Variants in NBPF9 observed in about 807,000 individuals in gnomAD.
NBPF9 encodes NBPF family member NBPF9.
Under a neutral mutation model 97.8 loss-of-function variants are expected in NBPF9, and 91 were observed. The observed-to-expected ratio is 0.93, with a 90% CI of 0.79 to 1.11. The LOEUF (loss-of-function observed/expected upper bound fraction) is 1.11, where lower values mean the gene tolerates loss of function less well. Ranked by LOEUF, NBPF9 falls within the 50% of genes least tolerant of loss-of-function variation. The pLI is 0.00. For synonymous variants in NBPF9, 334 were observed against 359.5 expected, an observed-to-expected ratio of 0.93 and a Z score of 0.80; for missense variants, 992 against 939.5, an observed-to-expected ratio of 1.06 and a Z score of -0.73.
intron 13 of NBPF9, 38 bp from the exon 14 acceptor site, chr1:149,072,970 G>A: frequency 6.3e-7 from 1 of 1,595,338 alleles, no homozygotes; most frequent in East Asian, 2.2e-5. Flanking sequence ...AGAGTGGAAA[G>A]GGTTGAGTGA....
intron 4 of NBPF9, among the ~76,000 whole-genome samples, chr1:149,096,850 AGAG>A (rs1245366281): frequency 1.1e-5 from 1 of 89,764 alleles, no homozygotes; most frequent in Admixed American, 1.3e-4. Context: ...CCCACAAATC[AGAG>A]GAGGAGGAGG....
At chr1:149,081,635 T>A (rs1245854631) in intron 7 of NBPF9, among the ~76,000 whole-genome samples, 2 of 150,608 alleles carry the variant, frequency 1.3e-5, no homozygotes, top group African/African-American at 4.9e-5. Flanking sequence ...AGATGTTATT[T>A]GTCTGCAGGA....
chr1:149,073,287 G>C (rs1244719371), intron 13 of NBPF9, among the ~76,000 whole-genome samples: 1 of 142,668 alleles, frequency 7.0e-6, no homozygotes, highest in Admixed American at 7.1e-5. Flanking sequence ...GCGGCCACTA[G>C]ATACAAAGCC....
intron 17 of NBPF9, among the ~76,000 whole-genome samples, chr1:149,067,887 C>T (rs1436755361): frequency 3.6e-5 from 5 of 139,802 alleles, no homozygotes; most frequent in Admixed American, 2.8e-4. Flanking sequence ...AATTGCCACA[C>T]TGCCTTCCAC....
At chr1:149,100,059 G>T (rs76465787) in intron 3 of NBPF9, among the ~76,000 whole-genome samples, 1 of 142,732 alleles carries the variant, frequency 7.0e-6, no homozygotes, top group African/African-American at 2.6e-5. Flanking sequence ...ATATCACGTC[G>T]GCCCTTTAAA....
rs1283362580 is a variant in NBPF9, at chr1:149,089,061, C to T, written c.-195+1692G>A. On this transcript the variant is annotated intron_variant, in intron 5 of 29. Transcript: ENST00000584027. ...CCCTGCCTCTCAAGGAAATCCCTCC[C>T]GCCTTGTCTCTAGACAGCCAAGTCC... Among the ~76,000 whole-genome samples, 15 of 151,820 alleles carry T rather than the reference C, an allele frequency of 9.9e-5. No individual in the cohort carries two copies. In the South Asian group the frequency reaches 2.7e-3, roughly 28 times the overall value.
chr1:149,060,223 A>G (rs1451255610), intron 24 of NBPF9: 2 of 185,018 alleles, frequency 1.1e-5, no homozygotes, highest in African/African-American at 7.6e-5. Flanking sequence ...AAATCTACAA[A>G]CCCTTGAGTC....
chr1:149,073,118 C>A (rs1553653389), intron 13 of NBPF9, among the ~76,000 whole-genome samples, 186 bp from the exon 14 acceptor site: 1 of 149,326 alleles, frequency 6.7e-6, no homozygotes, highest in African/African-American at 2.4e-5. Context: ...TCCTCTGTAT[C>A]AGAGAGGGCT....
At chr1:149,080,010 C>G in intron 8 of NBPF9, 43 bp downstream of exon 8, 2 of 1,495,904 alleles carry the variant, frequency 1.3e-6, no homozygotes, top group Non-Finnish European at 1.9e-6. Context: ...CTTCAGAGAT[C>G]TACACACCTA....
intron 5 of NBPF9, among the ~76,000 whole-genome samples, chr1:149,084,955 T>C (rs1349059725): frequency 7.2e-5 from 11 of 152,012 alleles, no homozygotes; most frequent in East Asian, 3.9e-4. Context: ...AAGGTATCCA[T>C]GGCAATTTCA....
At chr1:149,070,757 G>A (rs1163316172) in intron 16 of NBPF9, among the ~76,000 whole-genome samples, 177 bp downstream of exon 16, 2 of 152,064 alleles carry the variant, frequency 1.3e-5, no homozygotes, top group African/African-American at 4.8e-5. Context: ...CTTGATACTG[G>A]GGACTGGCAG....
In NBPF9 at chr1:149,090,568, T is replaced by C. The variant is rs1422669770; in HGVS notation, c.-195+185A>G. ...AGCCTAATGCAATAAAGAATGCCCA[T>C]AAAATTATTATCTAAAGAATGTTTA... On this transcript the variant is annotated intron_variant, in intron 5 of 29. Transcript: ENST00000584027. 2.4e-5 allele frequency: 13 copies of C among 542,352 alleles called. No homozygotes were observed. The Admixed American group carries it at 3.9e-4, about 16-fold the overall frequency. 33.6% of individuals were successfully genotyped at this position (542,352 alleles called of 1,614,324 possible).
At chr1:149,075,983 C>T (rs1222308176) in intron 11 of NBPF9, 119 bp from the exon 12 acceptor site, 6 of 960,272 alleles carry the variant, frequency 6.2e-6, no homozygotes, top group Non-Finnish European at 1.0e-5. Flanking sequence ...TGTTGTTTCC[C>T]TGGTTTCACT....
chr1:149,079,994 G>T (rs1272621131), intron 8 of NBPF9, 59 bp downstream of exon 8: 1 of 1,380,508 alleles, frequency 7.2e-7, no homozygotes, highest in Non-Finnish European at 1.0e-6. Context: ...CCGCCGAGCT[G>T]CTGTACTTCA....
intron 5 of NBPF9, among the ~76,000 whole-genome samples, chr1:149,085,221 G>T (rs1238088550): frequency 2.6e-5 from 4 of 151,374 alleles, no homozygotes; most frequent in African/African-American, 4.9e-5. Flanking sequence ...ACTTTTTTTT[G>T]ATAGATTTTT....
chr1:149,062,170 G>A (rs781841692), exon 22 of NBPF9: 2 of 905,562 alleles, frequency 2.2e-6, no homozygotes, highest in South Asian at 1.3e-5. Context: ...GCCTAAGTCA[G>A]GCAGTTCAAG....
intron 12 of NBPF9, among the ~76,000 whole-genome samples, chr1:149,074,479 A>G (rs1288008380): frequency 6.6e-6 from 1 of 151,594 alleles, no homozygotes; most frequent in African/African-American, 2.4e-5. Flanking sequence ...ATGAAGAACT[A>G]ATAGATAGTG....
At chr1:149,101,220 C>T (rs1222619388) in intron 3 of NBPF9, 42 bp downstream of exon 3, 2 of 151,206 alleles carry the variant, frequency 1.3e-5, no homozygotes, top group Admixed American at 1.3e-4. Flanking sequence ...AACCCCATCT[C>T]TACTAAAAAT....
chr1:149,097,685 G>A (rs1553662150), intron 4 of NBPF9, among the ~76,000 whole-genome samples: 1 of 152,186 alleles, frequency 6.6e-6, no homozygotes, highest in African/African-American at 2.4e-5. Context: ...CTCAATGCCT[G>A]CAGTGGTGGG....
Sources: allele counts gnomAD v4.1 joint callset (sites outside exome capture counted in the v4.1 genomes callset), GRCh38; gene constraint gnomAD v4.1.1; transcripts MANE v1.5; gene names NCBI Gene and HGNC (gene_info 2026-07-23, HGNC 2026-07-21).